The following GOLGA2 variants were observed in gnomAD, a reference collection of about 807,000 sequenced individuals.
The protein encoded by GOLGA2 is golgin A2, also known as golgin subfamily A member 2.
A neutral mutation model predicts 148.8 loss-of-function variants in GOLGA2; 49 were observed. The ratio of observed to expected loss-of-function variants is 0.33; its 90% confidence interval spans 0.26 to 0.42. The LOEUF is 0.42. GOLGA2 is among the 10% of genes least tolerant of loss of function. The pLI, the probability that GOLGA2 is intolerant of heterozygous loss-of-function variation, is 1.00. For synonymous variants in GOLGA2, 501 were observed against 511.8 expected (o/e 0.98, Z 0.28); for missense variants, 1,178 against 1,304.6 (o/e 0.90, Z 1.49).
intron 12 of GOLGA2, among the ~76,000 whole-genome samples, chr9:128,264,603 T>G (rs1830485306): frequency 1.3e-5 from 2 of 151,940 alleles, no homozygotes; most frequent in African/African-American, 4.8e-5. Context: ...ATTTTTTGCA[T>G]TTTTAGTAGA....
Position 128,258,935 on chromosome 9 carries a change from C to T in GOLGA2, c.2173+72G>A, listed in dbSNP as rs967032346. 9.7e-6 allele frequency: 10 copies of T among 1,035,716 alleles called. No homozygotes were observed. The highest frequency in any genetic ancestry group is 4.7e-5 in the African/African-American group (3 of 64,082). 64.2% of individuals were successfully genotyped at this position (1,035,716 alleles called of 1,614,324 possible). On this transcript the variant is annotated intron_variant, in intron 21 of 26. Coordinates refer to ENST00000611957, the MANE Select transcript of GOLGA2 (RefSeq NM_001366244.2). The surrounding 1 kb of genome is among the most constrained non-coding windows in gnomAD (Gnocchi z 6.6). ...GTTCTAAAGGTCTCTTCCAACTCCT[C>T]AATTCTACGCTGCTAACAGTCCCCC...
Position 128,257,962 on chromosome 9 carries a change from C to T in GOLGA2, c.2508+18G>A. ...CGCCCCCACCCTTCTTGACCCATGC[C>T]AGGAGAGACTCATTCACCTGCAGCT... On this transcript the variant is annotated intron_variant, in intron 23 of 26. Coordinates refer to ENST00000611957, the MANE Select transcript of GOLGA2 (RefSeq NM_001366244.2). The surrounding 1 kb of genome is among the most constrained non-coding windows in gnomAD (Gnocchi z 8.0). The T allele has an allele frequency of 6.2e-7, 1 of 1,606,884 alleles. No individual in the cohort carries two copies. The highest frequency in any genetic ancestry group is 8.5e-7 in the Non-Finnish European group (1 of 1,174,764).
In GOLGA2 at chr9:128,265,652, C is replaced by T. The variant is rs1340531761; in HGVS notation, c.866G>A (p.Arg289Gln). Residue 289 changes from arginine (R) to glutamine (Q), a missense_variant, in exon 12 of 27, where the codon CGG (arginine) becomes CAG (glutamine). This residue lies in a region of GOLGA2 where 304 missense variants were observed against 404.1 expected (regional missense o/e 0.75). Coordinates refer to ENST00000611957, the MANE Select transcript of GOLGA2 (RefSeq NM_001366244.2). ...EDLASRLQYS[R>Q]RRVGELERAL... Reference sequence around the variant, plus strand: ...CCGCTCCAACTCTCCCACACGCCGCCGGGAATACTGCAGGCGGCTGGCCAG... The same window carrying T: ...CCGCTCCAACTCTCCCACACGCCGCTGGGAATACTGCAGGCGGCTGGCCAG... 5 of 1,613,774 alleles carry T rather than the reference C, an allele frequency of 3.1e-6. No homozygotes were observed. The highest frequency in any genetic ancestry group is 1.7e-5 in the Admixed American group (1 of 60,006).
rs1830588510 is a variant in GOLGA2, at chr9:128,266,219, G to A, written c.681+68C>T. The A allele has an allele frequency of 7.0e-6, 10 of 1,431,890 alleles. No homozygotes were observed. In the Admixed American group the frequency reaches 1.2e-4, roughly 17 times the overall value. 88.7% of individuals were successfully genotyped at this position (1,431,890 alleles called of 1,614,324 possible). On this transcript the variant is annotated intron_variant, in intron 9 of 26. Transcript: ENST00000611957. This position sits in a 1 kb window ranked among gnomAD's most constrained non-coding sequence, Gnocchi z 4.2. ...CTGGGAGTGGGTGAGACGAGACTGA[G>A]GCCTCTACATTTGAATGCCCCCCAA... is the stretch of plus-strand genomic sequence containing the variant.
chr9:128,261,115 AC>A lies in GOLGA2; in HGVS notation c.1420+56del. On this transcript the variant is annotated intron_variant, in intron 17 of 26. Coordinates refer to ENST00000611957, the MANE Select transcript of GOLGA2 (RefSeq NM_001366244.2). The surrounding 1 kb of genome is among the most constrained non-coding windows in gnomAD (Gnocchi z 5.7). ...CCAACTCCCTGGGGCATTCTAAACC[AC>A]CCCCACAACCCTCTGACACCATTCC... 1.7e-6 allele frequency: 2 copies of A among 1,191,588 alleles called. No individual in the cohort carries two copies. The highest frequency in any genetic ancestry group is 1.5e-5 in the African/African-American group (1 of 65,854). The allele number at this position is 1,191,588 out of a possible 1,614,324, so 73.8% of individuals were successfully genotyped here.
chr9:128,262,444 G>A (rs1048329569), intron 14 of GOLGA2, 119 bp downstream of exon 14: 20 of 858,770 alleles, frequency 2.3e-5, no homozygotes, highest in Admixed American at 5.5e-5. Context: ...TGCCAGGACC[G>A]GAACAAGGAC....
chr9:128,261,415 T>C lies in GOLGA2; in HGVS notation c.1332+39A>G, dbSNP rs992777028. The C allele has an allele frequency of 2.3e-6, 3 of 1,282,418 alleles. No homozygotes were observed. Among genetic ancestry groups the C allele is most frequent in the Admixed American group, 1.7e-5 (1 of 59,568 alleles). 79.4% of individuals were successfully genotyped at this position (1,282,418 alleles called of 1,614,324 possible). ...AGATGCCCAGAAAGATCAAGTGACC[T>C]ATCTAAGGTTGAGGGGGAGCTGAAG... On this transcript the variant is annotated intron_variant, in intron 16 of 26. Coordinates refer to ENST00000611957, the MANE Select transcript of GOLGA2 (RefSeq NM_001366244.2). The surrounding 1 kb of genome is among the most constrained non-coding windows in gnomAD (Gnocchi z 5.7).
rs577823724 is a variant in GOLGA2, at chr9:128,257,563, G to A, written c.2718+38C>T. The stretch of plus-strand genomic sequence containing the variant: ...GTGCTAAGCTGCCATGCCCATGCCC[G>A]TGCCCACCTCCACCCCCAGAGATGT... On this transcript the variant is annotated intron_variant, in intron 25 of 26. Coordinates refer to ENST00000611957, the MANE Select transcript of GOLGA2 (RefSeq NM_001366244.2). This position sits in a 1 kb window ranked among gnomAD's most constrained non-coding sequence, Gnocchi z 8.0. 5.4e-5 allele frequency: 87 copies of A among 1,613,960 alleles called. No homozygotes were observed. The South Asian group carries it at 7.5e-4, about 14-fold the overall frequency.
rs1830663687 is a variant in GOLGA2, at chr9:128,267,495, T to C, written c.524A>G (p.Glu175Gly). Residue 175 changes from glutamate to glycine, a missense_variant, in exon 7 of 27, where the codon GAG (glutamate) becomes GGG (glycine). Physicochemically the swap from Glu to Gly is moderately conservative, Grantham distance 98. This residue lies in a region of GOLGA2 where 304 missense variants were observed against 404.1 expected (regional missense o/e 0.75). Transcript: ENST00000611957. ...CAGGTTAGCAGACGATGCAGGGCCC[T>C]CCCCATTGACACATGTCGCAGACTA... ...VCESATCVNG[E>G]GPASSANLKD... The C allele has an allele frequency of 6.2e-7, 1 of 1,612,472 alleles. No individual in the cohort carries two copies. The highest frequency in any genetic ancestry group is 8.5e-7 in the Non-Finnish European group (1 of 1,178,656).
At position 128,258,132 on chromosome 9, in the gene GOLGA2, T is replaced by C. The variant is rs749037060; in HGVS notation, c.2356A>G (p.Lys786Glu). Residue 786 changes from lysine to glutamate, a missense_variant, in exon 23 of 27, where the codon AAG (lysine) becomes GAG (glutamate). Physicochemically the swap from Lys to Glu is moderately conservative, Grantham distance 56 (BLOSUM62 1). Transcript: ENST00000611957. This position sits in a 1 kb window ranked among gnomAD's most constrained non-coding sequence, Gnocchi z 6.6. ...CGCCGGCAGCGCACCCTTTGCTCCT[T>C]CAGCTGCCCACGTAGCCTTGCCTGC... Reference protein sequence around the residue: ...EEQARLRGQLKEQRVRCRRLA... With the variant: ...EEQARLRGQLEEQRVRCRRLA... 1 of 1,608,642 alleles carries C rather than the reference T, an allele frequency of 6.2e-7. No individual in the cohort carries two copies. The highest frequency in any genetic ancestry group is 2.2e-5 in the East Asian group (1 of 44,848).
At chr9:128,268,868 G>A (rs1221116559) in intron 3 of GOLGA2, among the ~76,000 whole-genome samples, 2 of 152,224 alleles carry the variant, frequency 1.3e-5, no homozygotes, top group Non-Finnish European at 2.9e-5. Context: ...GAAAGGCACT[G>A]TTCTTCCAGA....
chr9:128,263,711 C>A (rs1445120630), intron 12 of GOLGA2, among the ~76,000 whole-genome samples: 1 of 151,914 alleles, frequency 6.6e-6, no homozygotes, highest in Non-Finnish European at 1.5e-5. Flanking sequence ...AGCCACCATG[C>A]CTGGCCTAAT....
rs1372642884 is a variant in GOLGA2 at position 128,258,081 on chromosome 9, G to C, written c.2407C>G (p.Gln803Glu). ...RRLAHLLASA[Q>E]KEPEAAAPAP... ...GGGGCTGCTGCCTCAGGCTCCTTCT[G>C]GGCCGAGGCCAGCAGGTGAGCCAGG... Residue 803 changes from glutamine (Q) to glutamate (E), a missense_variant, in exon 23 of 27, where the codon CAG becomes GAG. Coordinates refer to ENST00000611957, the MANE Select transcript of GOLGA2 (RefSeq NM_001366244.2). This position sits in a 1 kb window ranked among gnomAD's most constrained non-coding sequence, Gnocchi z 6.6. 6.2e-7 allele frequency: 1 copy of C among 1,610,744 alleles called. No homozygotes were observed. Among genetic ancestry groups the C allele is most frequent in the African/African-American group, 1.3e-5 (1 of 74,916 alleles).
chr9:128,258,792 A>G lies in GOLGA2; in HGVS notation c.2173+215T>C. 1 of 616,672 alleles carries G rather than the reference A, an allele frequency of 1.6e-6. No homozygotes were observed. Among genetic ancestry groups the G allele is most frequent in the Non-Finnish European group, 2.9e-6 (1 of 350,386 alleles). The allele number at this position is 616,672 out of a possible 1,614,324, so 38.2% of individuals were successfully genotyped here. Reference sequence around the variant, plus strand: ...CAGCATGGGAGTTCTGACCTGCTTCATTTCTGACCTGGGCCAGTTCACCCA... The same window carrying G: ...CAGCATGGGAGTTCTGACCTGCTTCGTTTCTGACCTGGGCCAGTTCACCCA... On this transcript the variant is annotated intron_variant, in intron 21 of 26. Coordinates refer to ENST00000611957, the MANE Select transcript of GOLGA2 (RefSeq NM_001366244.2). This position sits in a 1 kb window ranked among gnomAD's most constrained non-coding sequence, Gnocchi z 6.6.
rs1830588098 is a variant in GOLGA2 at position 128,266,213 on chromosome 9, G to C, written c.681+74C>G. ...CCCAGGCTGGGAGTGGGTGAGACGA[G>C]ACTGAGGCCTCTACATTTGAATGCC... On this transcript the variant is annotated intron_variant, in intron 9 of 26. Coordinates refer to ENST00000611957, the MANE Select transcript of GOLGA2 (RefSeq NM_001366244.2). The surrounding 1 kb of genome is among the most constrained non-coding windows in gnomAD (Gnocchi z 4.2). The C allele has an allele frequency of 2.1e-6, 3 of 1,420,436 alleles. No homozygotes were observed. The highest frequency in any genetic ancestry group is 1.4e-5 in the African/African-American group (1 of 71,230). 88.0% of individuals were successfully genotyped at this position (1,420,436 alleles called of 1,614,324 possible). A position where few individuals can be genotyped will look rare whatever the true frequency, so the allele number is the denominator to read the frequency against.
chr9:128,258,748 G>T lies in GOLGA2; in HGVS notation c.2174-178C>A. ...GCCAAGGGCTCGCTATGCTGCCCAG[G>T]TGCAGTCCCACTACCGATCAGCATG... On this transcript the variant is annotated intron_variant, in intron 21 of 26. Transcript: ENST00000611957. The surrounding 1 kb of genome is among the most constrained non-coding windows in gnomAD (Gnocchi z 6.6). The T allele has an allele frequency of 1.6e-6, 1 of 619,342 alleles. No individual in the cohort carries two copies. The highest frequency in any genetic ancestry group is 2.8e-6 in the Non-Finnish European group (1 of 354,398). The allele number at this position is 619,342 out of a possible 1,614,324, so 38.4% of individuals were successfully genotyped here.
At position 128,257,918 on chromosome 9, in the gene GOLGA2, T is replaced by A; in HGVS notation, c.2509-26A>T. The A allele has an allele frequency of 6.2e-7, 1 of 1,611,486 alleles. No homozygotes were observed. On this transcript the variant is annotated intron_variant, in intron 23 of 26. Coordinates refer to ENST00000611957, the MANE Select transcript of GOLGA2 (RefSeq NM_001366244.2). The surrounding 1 kb of genome is among the most constrained non-coding windows in gnomAD (Gnocchi z 8.0). The stretch of plus-strand genomic sequence containing the variant: ...CTGGAACCAAAATAATGGAGTCATA[T>A]ATCGGCAGCGACCTGCCCCGCCCCC...
rs769732393 is a variant in GOLGA2, at chr9:128,268,103, C to G, written c.437+14G>C. ...CTCAGCCTAGAGACTGCTGCCCCAA[C>G]AGGAGACACTCACTTGGTTTCATCC... On this transcript the variant is annotated intron_variant, in intron 5 of 26. Transcript: ENST00000611957. 6.2e-7 allele frequency: 1 copy of G among 1,611,938 alleles called. No homozygotes were observed. Among genetic ancestry groups the G allele is most frequent in the Non-Finnish European group, 8.5e-7 (1 of 1,178,024 alleles).
Position 128,258,398 on chromosome 9 carries a change from T to C in GOLGA2, c.2289+57A>G. 2 of 1,463,808 alleles carry C rather than the reference T, an allele frequency of 1.4e-6. No homozygotes were observed. The highest frequency in any genetic ancestry group is 1.9e-6 in the Non-Finnish European group (2 of 1,045,964). The allele number at this position is 1,463,808 out of a possible 1,614,324, so 90.7% of individuals were successfully genotyped here. A position where few individuals can be genotyped will look rare whatever the true frequency, so the allele number is the denominator to read the frequency against. ...CCGGGAAACCAAGAGCAGAAGGGGG[T>C]CTGGGAGGGACCACAGAGGGAGGCA... On this transcript the variant is annotated intron_variant, in intron 22 of 26. Coordinates refer to ENST00000611957, the MANE Select transcript of GOLGA2 (RefSeq NM_001366244.2). The surrounding 1 kb of genome is among the most constrained non-coding windows in gnomAD (Gnocchi z 6.6).
Sources: gnomAD v4.1 joint callset for allele counts (sites outside exome capture counted in the v4.1 genomes callset) on GRCh38, gnomAD v4.1.1 for gene constraint, gnomAD v4.1.1 regional missense constraint, Gnocchi (gnomAD v3.1) non-coding constraint, MANE v1.5 for transcripts, NCBI Gene and HGNC (gene_info 2026-07-23, HGNC 2026-07-21) for gene names.